The following RAB3GAP2 variants were observed in gnomAD, a reference collection of about 807,000 sequenced individuals.
RAB3GAP2 encodes rab3 GTPase-activating protein non-catalytic subunit.
In RAB3GAP2, 87 loss-of-function variants were observed where a neutral mutation model predicts 185.3. That is an observed-to-expected ratio of 0.47 (90% CI 0.39 to 0.56). RAB3GAP2 has a LOEUF of 0.56. RAB3GAP2 is among the 20% of genes least tolerant of loss of function. The pLI is 0.00. For missense variants in RAB3GAP2, 1,492 were observed against 1,638.2 expected, an observed-to-expected ratio of 0.91 and a Z score of 1.54; for synonymous variants, 554 against 576.1, an observed-to-expected ratio of 0.96 and a Z score of 0.55.
Position 220,157,262 on chromosome 1 carries a change from G to T in RAB3GAP2, c.3555+8C>A, listed in dbSNP as rs1298047633. 2 of 1,608,278 alleles carry T rather than the reference G, an allele frequency of 1.2e-6. No homozygotes were observed. Among genetic ancestry groups the T allele is most frequent in the African/African-American group, 2.7e-5 (2 of 74,722 alleles). ...CAAAATAGCTCTGAAATCCTGTGAG[G>T]TACTTACCTTACTGTCAAAAAGTGA... On this transcript the variant is annotated splice_region_variant and intron_variant, in intron 31 of 34. Coordinates refer to ENST00000358951, the MANE Select transcript of RAB3GAP2 (RefSeq NM_012414.4).
rs73087811 is a variant in RAB3GAP2, at chr1:220,206,548, G to A, written c.613-542C>T. Among the ~76,000 whole-genome samples, 239 of 152,106 alleles carry A rather than the reference G, an allele frequency of 1.6e-3. 3 individuals are homozygous for A. Among genetic ancestry groups the A allele is most frequent in the African/African-American group, 4.9e-3 (204 of 41,498 alleles). ...TTTTACTTAACCAGTTCATATTGACGGACATTCAGTTTGGCCTCCTGCTTC... is the reference window on the plus strand; with the variant it reads ...TTTTACTTAACCAGTTCATATTGACAGACATTCAGTTTGGCCTCCTGCTTC... On this transcript the variant is annotated intron_variant, in intron 7 of 34. Coordinates refer to ENST00000358951, the MANE Select transcript of RAB3GAP2 (RefSeq NM_012414.4).
chr1:220,169,250 T>C (rs1658130387), intron 24 of RAB3GAP2, among the ~76,000 whole-genome samples: 1 of 152,120 alleles, frequency 6.6e-6, no homozygotes, highest in African/African-American at 2.4e-5. Context: ...ATACAGTCCT[T>C]CCAGTATCAA....
At chr1:220,254,140 G>A in intron 1 of RAB3GAP2, 1 of 1,613,752 alleles carries the variant, frequency 6.2e-7, no homozygotes, top group Non-Finnish European at 8.5e-7. Flanking sequence ...GAAGAATGTG[G>A]ATTCCATTCT....
chr1:220,202,526 A>T, intron 8 of RAB3GAP2, 152 bp from the exon 9 acceptor site: 1 of 787,596 alleles, frequency 1.3e-6, no homozygotes, highest in Non-Finnish European at 2.0e-6. Context: ...AGATTTATTC[A>T]CACCAAGACA....
rs752517421 is a variant in RAB3GAP2, at chr1:220,151,295, G to A, written c.4138C>T (p.His1380Tyr). ...EKHGQYGLAL[H>Y]LIEAVEAISL... ...ATGGCTTCCACAGCTTCAATGAGGT[G>A]TAAGGCTAGACCATATTGCCCATGT... The change falls in exon 35 of 35, where the codon CAC becomes TAC. Residue 1380 changes from histidine (H) to tyrosine (Y), a missense_variant. This residue lies in a region of RAB3GAP2 where 387 missense variants were observed against 455.3 expected (regional missense o/e 0.85). Coordinates refer to ENST00000358951, the MANE Select transcript of RAB3GAP2 (RefSeq NM_012414.4). 4 of 1,613,928 alleles carry A rather than the reference G, an allele frequency of 2.5e-6. No individual in the cohort carries two copies. The highest frequency in any genetic ancestry group is 1.7e-5 in the Admixed American group (1 of 60,000).
rs117248353 is a variant in RAB3GAP2, at chr1:220,176,777, A to C, written c.2311-4035T>G. Among the ~76,000 whole-genome samples, 265 of 152,236 alleles carry C rather than the reference A, an allele frequency of 1.7e-3. 5 individuals carry two copies. The East Asian group carries it at 0.044, about 25-fold the overall frequency. On this transcript the variant is annotated intron_variant, in intron 21 of 34. Coordinates refer to ENST00000358951, the MANE Select transcript of RAB3GAP2 (RefSeq NM_012414.4). The stretch of plus-strand genomic sequence containing the variant: ...ATCCCCCTCAGGGCCCCCTCACTGC[A>C]GCTGGAGAACTATCCTATCTGTGCA...
In RAB3GAP2 at chr1:220,217,470, C is replaced by T. The variant is rs1183478482; in HGVS notation, c.181-3491G>A. Among the ~76,000 whole-genome samples the T allele has an allele frequency of 2.0e-5, 3 of 152,038 alleles. No individual in the cohort carries two copies. The East Asian group carries it at 5.8e-4, about 29-fold the overall frequency. ...AGAAGTTCCAGTTCCTCTGGCAAAC[C>T]CATCCTATCCTGACTCCTAACCTTC... On this transcript the variant is annotated intron_variant, in intron 2 of 34. Transcript: ENST00000358951.
At chr1:220,160,861 G>C (rs753329545) in intron 28 of RAB3GAP2, among the ~76,000 whole-genome samples, 1 of 152,044 alleles carries the variant, frequency 6.6e-6, no homozygotes, top group African/African-American at 2.4e-5. Context: ...GCTCTTTGAG[G>C]GCCAGGACCA....
chr1:220,187,484 G>C (rs1461568120), intron 17 of RAB3GAP2, among the ~76,000 whole-genome samples: 2 of 152,120 alleles, frequency 1.3e-5, no homozygotes, highest in African/African-American at 4.8e-5. Context: ...GTTACCAGTG[G>C]AACCAACCAT....
intron 28 of RAB3GAP2, among the ~76,000 whole-genome samples, chr1:220,160,140 C>A (rs142576780): frequency 6.6e-6 from 1 of 152,206 alleles, no homozygotes; most frequent in East Asian, 1.9e-4. Flanking sequence ...GAAAGGAAAA[C>A]CACTCTAAAG....
intron 1 of RAB3GAP2, among the ~76,000 whole-genome samples, chr1:220,271,431 T>G (rs926698867): frequency 6.6e-6 from 1 of 152,236 alleles, no homozygotes; most frequent in Non-Finnish European, 1.5e-5. Flanking sequence ...AAAGCCTATA[T>G]AGTATCTAAT....
intron 21 of RAB3GAP2, among the ~76,000 whole-genome samples, chr1:220,173,219 A>C (rs1243523329): frequency 6.6e-6 from 1 of 152,210 alleles, no homozygotes; most frequent in Non-Finnish European, 1.5e-5. Context: ...CCAATTTTTA[A>C]ATCACTAATA....
At chr1:220,170,799 TTTTC>T in intron 24 of RAB3GAP2, 89 bp downstream of exon 24, 1 of 1,052,434 alleles carries the variant, frequency 9.5e-7, no homozygotes, top group Non-Finnish European at 1.5e-6. Context: ...CTGAGTGTAT[TTTTC>T]TTTCTCTATT....
intron 4 of RAB3GAP2, 106 bp from the exon 5 acceptor site, chr1:220,211,108 G>A: frequency 9.0e-7 from 1 of 1,114,124 alleles, no homozygotes; most frequent in Non-Finnish European, 1.3e-6. Flanking sequence ...TGACTTCTGT[G>A]AACCAGTTTT....
At position 220,151,358 on chromosome 1, in the gene RAB3GAP2, T is replaced by C; in HGVS notation, c.4075A>G (p.Lys1359Glu). 1 of 1,614,196 alleles carries C rather than the reference T, an allele frequency of 6.2e-7. No individual in the cohort carries two copies. ...AGCTCAATTACTTTATTTACTAGTT[T>C]AGCTGTTGTTGCAATTGGCACTTCA... ...NTEVPIATTA[K>E]LVNKVIELLP... Residue 1359 changes from lysine to glutamate, a missense_variant, in exon 35 of 35, where the codon AAA becomes GAA. This residue lies in a region of RAB3GAP2 where 387 missense variants were observed against 455.3 expected (regional missense o/e 0.85). Coordinates refer to ENST00000358951, the MANE Select transcript of RAB3GAP2 (RefSeq NM_012414.4).
intron 9 of RAB3GAP2, among the ~76,000 whole-genome samples, chr1:220,198,808 A>C (rs543885479): frequency 6.6e-6 from 1 of 152,262 alleles, no homozygotes; most frequent in East Asian, 1.9e-4. Flanking sequence ...GAAAGACATC[A>C]AAGTCCCTCT....
intron 26 of RAB3GAP2, among the ~76,000 whole-genome samples, chr1:220,165,496 G>A (rs1431829289): frequency 6.6e-6 from 1 of 151,904 alleles, no homozygotes; most frequent in Non-Finnish European, 1.5e-5. Context: ...TTTGTAGCTT[G>A]TACATCATCA....
chr1:220,268,766 G>T (rs763996254), intron 1 of RAB3GAP2, among the ~76,000 whole-genome samples: 2 of 152,096 alleles, frequency 1.3e-5, no homozygotes, highest in Non-Finnish European at 2.9e-5. Context: ...AAATCTATAG[G>T]TATAGTGCAA....
chr1:220,191,023 A>G (rs1415397428), intron 14 of RAB3GAP2, 45 bp downstream of exon 14: 2 of 1,490,394 alleles, frequency 1.3e-6, no homozygotes, highest in Non-Finnish European at 1.9e-6. Context: ...AAGCATTCCT[A>G]TATTTCATTT....
Sources: allele counts gnomAD v4.1 joint callset (sites outside exome capture counted in the v4.1 genomes callset), GRCh38; gene constraint gnomAD v4.1.1; regional missense constraint gnomAD v4.1.1; transcripts MANE v1.5; gene names NCBI Gene and HGNC (gene_info 2026-07-23, HGNC 2026-07-21).